SPATS2: variants seen among roughly 807,000 people sequenced by gnomAD.
SPATS2 encodes the protein spermatogenesis associated serine rich 2.
Under a neutral mutation model 63.7 loss-of-function variants are expected in SPATS2, and 38 were observed. The observed-to-expected ratio is 0.60, with a 90% confidence interval of 0.46 to 0.78. The LOEUF is 0.78. Among genes scored for constraint, SPATS2 ranks in the 30% least tolerant of loss-of-function variants. The pLI is 0.00. For missense variants in SPATS2, 588 were observed against 666.2 expected (o/e 0.88, Z 1.29); for synonymous variants, 207 against 232.9 (o/e 0.89, Z 1.01).
chr12:49,416,039 T>C (rs1245276692), intron 2 of SPATS2, among the ~76,000 whole-genome samples: 1 of 151,500 alleles, frequency 6.6e-6, no homozygotes, highest in Non-Finnish European at 1.5e-5. Context: ...TTTTTTTTAA[T>C]GGCAGAACAA....
intron 2 of SPATS2, among the ~76,000 whole-genome samples, chr12:49,377,926 A>C (rs533904704): frequency 5.8e-4 from 89 of 152,328 alleles, no homozygotes; most frequent in African/African-American, 1.9e-3. Flanking sequence ...TGGATGCAGT[A>C]GTAATCCTAC....
intron 2 of SPATS2, among the ~76,000 whole-genome samples, chr12:49,379,475 C>A (rs1310014817): frequency 1.5e-5 from 2 of 136,686 alleles, no homozygotes; most frequent in Admixed American, 1.5e-4. Context: ...GGCGTGAACC[C>A]GGGAGGCAGA....
At chr12:49,455,021 A>C (rs1945694532) in intron 2 of SPATS2, among the ~76,000 whole-genome samples, 1 of 151,944 alleles carries the variant, frequency 6.6e-6, no homozygotes, top group African/African-American at 2.4e-5. Context: ...CACAGCCTTT[A>C]CCCTTGCCTT....
intron 3 of SPATS2, among the ~76,000 whole-genome samples, chr12:49,468,664 A>T (rs929160449): frequency 2.6e-5 from 4 of 151,096 alleles, no homozygotes; most frequent in African/African-American, 9.7e-5. Flanking sequence ...TTTTGTAGAG[A>T]TGTGGTTTCA....
intron 3 of SPATS2, chr12:49,469,501 G>A (rs757745462): frequency 1.3e-4 from 52 of 400,014 alleles, no homozygotes; most frequent in Admixed American, 1.0e-3. Flanking sequence ...TTGAGGCCAC[G>A]GTGAGCTGTG....
At chr12:49,521,942 C>A (rs1478209068) in intron 11 of SPATS2, among the ~76,000 whole-genome samples, 1 of 151,942 alleles carries the variant, frequency 6.6e-6, no homozygotes, top group Non-Finnish European at 1.5e-5. Flanking sequence ...TAGCCCACCC[C>A]CAGTTAAGAG....
intron 3 of SPATS2, among the ~76,000 whole-genome samples, chr12:49,467,215 A>ATTTTTTTTTTT (rs35462676): frequency 5.0e-5 from 6 of 119,944 alleles, no homozygotes; most frequent in Admixed American, 9.2e-5. Flanking sequence ...TGCCTGGCTA[A>ATTTTTTTTTTT]TTTTTTTTTT....
At chr12:49,434,334 C>T (rs1565719526) in intron 2 of SPATS2, among the ~76,000 whole-genome samples, 1 of 151,964 alleles carries the variant, frequency 6.6e-6, no homozygotes. Context: ...ATGTTGATGC[C>T]AAATTACTGG....
At chr12:49,401,895 G>A (rs1471211890) in intron 2 of SPATS2, among the ~76,000 whole-genome samples, 4 of 152,004 alleles carry the variant, frequency 2.6e-5, no homozygotes, top group East Asian at 3.9e-4. Flanking sequence ...ACAGGGTTTC[G>A]CCATGTTGGC....
chr12:49,439,700 G>A (rs1386372165), intron 2 of SPATS2, among the ~76,000 whole-genome samples: 2 of 152,172 alleles, frequency 1.3e-5, no homozygotes, highest in Admixed American at 1.3e-4. Context: ...CAGGTTTGGA[G>A]ACATTCAGTT....
chr12:49,403,852 G>A (rs1246547984), intron 2 of SPATS2, among the ~76,000 whole-genome samples: 3 of 152,092 alleles, frequency 2.0e-5, no homozygotes, highest in Non-Finnish European at 4.4e-5. Flanking sequence ...CTTAAATCTG[G>A]CCAAAGAAAA....
At chr12:49,510,951 G>C (rs931711681) in intron 9 of SPATS2, among the ~76,000 whole-genome samples, 2 of 152,098 alleles carry the variant, frequency 1.3e-5, no homozygotes, top group Non-Finnish European at 2.9e-5. Context: ...GGGTGCAGTG[G>C]CTCATGCCTG....
At chr12:49,459,306 A>T in intron 2 of SPATS2, among the ~76,000 whole-genome samples, 1 of 152,040 alleles carries the variant, frequency 6.6e-6, no homozygotes, top group Non-Finnish European at 1.5e-5. Context: ...CCCACCAGAC[A>T]CCTGATCTTG....
At chr12:49,481,458 A>ATTTTT (rs1013711085) in intron 3 of SPATS2, among the ~76,000 whole-genome samples, 5 of 97,796 alleles carry the variant, frequency 5.1e-5, no homozygotes, top group African/African-American at 1.0e-4. Context: ...AGGCTTCCTC[A>ATTTTT]TTTTTTTTTT....
At chr12:49,392,926 C>G (rs1194711900) in intron 2 of SPATS2, among the ~76,000 whole-genome samples, 2 of 152,054 alleles carry the variant, frequency 1.3e-5, no homozygotes, top group African/African-American at 4.8e-5. Context: ...GTGGCAGGCG[C>G]CCATAATCCC....
intron 7 of SPATS2, among the ~76,000 whole-genome samples, chr12:49,495,334 C>T (rs139225513): frequency 0.029 from 4,430 of 152,100 alleles, 90 homozygotes; most frequent in Middle Eastern, 0.078. Context: ...GCTGGTACTA[C>T]AGGCACCCGC....
intron 2 of SPATS2, among the ~76,000 whole-genome samples, chr12:49,433,534 A>G (rs1477761507): frequency 1.3e-5 from 2 of 152,182 alleles, no homozygotes; most frequent in Admixed American, 6.5e-5. Context: ...CATTTCTCTA[A>G]TAATGAGTGA....
intron 1 of SPATS2, among the ~76,000 whole-genome samples, chr12:49,369,815 C>T (rs1368969299): frequency 1.3e-5 from 2 of 152,210 alleles, no homozygotes. Context: ...ACGTGGCACT[C>T]TTACTTGTAG....
intron 2 of SPATS2, among the ~76,000 whole-genome samples, chr12:49,430,883 A>C (rs1233239427): frequency 6.6e-6 from 1 of 151,936 alleles, no homozygotes; most frequent in Non-Finnish European, 1.5e-5. Flanking sequence ...TATTTTTAGT[A>C]GTGATGGAGT....
Sources: allele counts gnomAD v4.1 joint callset (sites outside exome capture counted in the v4.1 genomes callset), GRCh38; gene constraint gnomAD v4.1.1; transcripts MANE v1.5; gene names NCBI Gene and HGNC (gene_info 2026-07-23, HGNC 2026-07-21).